Variants in LRRC57 observed in about 807,000 individuals in gnomAD.
LRRC57 encodes leucine-rich repeat-containing protein 57.
LRRC57 carries 14 observed loss-of-function variants against 23.1 expected under a neutral mutation model. The observed-to-expected ratio is 0.61, with a 90% CI of 0.40 to 0.95. The LOEUF (loss-of-function observed/expected upper bound fraction) is 0.95. Among genes scored for constraint, LRRC57 ranks in the 40% least tolerant of loss-of-function variants. LRRC57 has a pLI of 0.00. For missense variants in LRRC57, 236 were observed against 284.4 expected, an observed-to-expected ratio of 0.83 and a Z score of 1.22; for synonymous variants, 106 against 115.2, an observed-to-expected ratio of 0.92 and a Z score of 0.51.
At chr15:42,545,714 TAACTG>T (rs1236793001) in intron 4 of LRRC57, among the ~76,000 whole-genome samples, 2 of 152,212 alleles carry the variant, frequency 1.3e-5, no homozygotes, top group African/African-American at 4.8e-5. Context: ...CTACTGCATT[TAACTG>T]TACTATCTAT....
At chr15:42,536,604 C>T (rs1031118243), downstream of LRRC57, among the ~76,000 whole-genome samples, 1 of 152,142 alleles carries the variant, frequency 6.6e-6, no homozygotes, top group African/African-American at 2.4e-5. Context: ...GAAACTTTCC[C>T]ACAGCTTCTG....
the LRRC57 span, chr15:42,528,465 GGT>G: frequency 6.3e-7 from 1 of 1,583,496 alleles, no homozygotes. Context: ...CTTAATGAAT[GGT>G]TCACTTAGGA....
downstream of LRRC57, among the ~76,000 whole-genome samples, chr15:42,534,607 G>A (rs1273355650): frequency 6.6e-6 from 1 of 152,144 alleles, no homozygotes; most frequent in Non-Finnish European, 1.5e-5. Flanking sequence ...AATCACTATG[G>A]CAGCTATACC....
In LRRC57 at chr15:42,542,585, G is replaced by A. The variant is rs1358279383; in HGVS notation, c.*1498C>T. 2 of 152,446 alleles carry A rather than the reference G, an allele frequency of 1.3e-5. No homozygotes were observed. Among genetic ancestry groups the A allele is most frequent in the African/African-American group, 4.8e-5 (2 of 41,380 alleles). The allele number at this position is 152,446 out of a possible 1,614,324, so 9.4% of individuals were successfully genotyped here. A position where few individuals can be genotyped will look rare whatever the true frequency, so the allele number is the denominator to read the frequency against. On this transcript the variant is annotated 3_prime_UTR_variant, in exon 6 of 6. Coordinates refer to ENST00000397130, the MANE Select transcript of LRRC57 (RefSeq NM_153260.3). ...CAGAGAGTAAGCTTGATAAACATAG[G>A]TTGTTTTAAAATATTATAGTAATGG...
chr15:42,547,570 G>A (rs1359608156), intron 3 of LRRC57, 41 bp from the exon 4 acceptor site: 3 of 1,557,948 alleles, frequency 1.9e-6, no homozygotes, highest in Non-Finnish European at 2.6e-6. Flanking sequence ...ATGTGATAGA[G>A]CTGAAAACAA....
At chr15:42,545,347 C>G (rs1481434696) in intron 4 of LRRC57, 85 bp from the exon 5 acceptor site, 1 of 849,600 alleles carries the variant, frequency 1.2e-6, no homozygotes, top group South Asian at 3.1e-5. Flanking sequence ...AAACAAAAAT[C>G]TTTACTTGAC....
chr15:42,534,996 A>G (rs189504924), downstream of LRRC57, among the ~76,000 whole-genome samples: 1 of 152,328 alleles, frequency 6.6e-6, no homozygotes, highest in Non-Finnish European at 1.5e-5. Flanking sequence ...TTCAGCTTGA[A>G]GTCACCAGCT....
Position 42,541,026 on chromosome 15 carries a change from C to T in LRRC57, c.*3057G>A, listed in dbSNP as rs1427879475. 1 of 146,752 alleles carries T rather than the reference C, an allele frequency of 6.8e-6. No individual in the cohort carries two copies. Among genetic ancestry groups the T allele is most frequent in the East Asian group, 2.0e-4 (1 of 5,044 alleles). The allele number at this position is 146,752 out of a possible 1,614,324, so 9.1% of individuals were successfully genotyped here. A position where few individuals can be genotyped will look rare whatever the true frequency, so the allele number is the denominator to read the frequency against. On this transcript the variant is annotated 3_prime_UTR_variant, in exon 6 of 6. Coordinates refer to ENST00000397130, the MANE Select transcript of LRRC57 (RefSeq NM_153260.3). ...CAGCCTGGGTGAAAGAATGAGACTC[C>T]GTCTCAGAAAAAAAAAAAAAATGTA...
rs550388487 is a variant in LRRC57, at chr15:42,548,137, C to G, written c.192G>C (p.Leu64=). 1 of 1,614,198 alleles carries G rather than the reference C, an allele frequency of 6.2e-7. No individual in the cohort carries two copies. Among genetic ancestry groups the G allele is most frequent in the Admixed American group, 1.7e-5 (1 of 60,022 alleles). The change falls in exon 3 of 6, where the codon CTG becomes CTC. Residue 64 remains leucine (L), a synonymous_variant. Transcript: ENST00000397130. The part of the protein sequence containing the change: ...PPLLIGKFTL[L]KSLSLNNNKL... ...TGTTGTTGTTCAGGGAGAGGCTCTT[C>G]AGCAGAGTGAACTTTCCTATCAGCA...
chr15:42,544,836 C>T (rs1328333637), intron 5 of LRRC57, among the ~76,000 whole-genome samples: 2 of 103,674 alleles, frequency 1.9e-5, no homozygotes, highest in African/African-American at 5.5e-5. Flanking sequence ...CACACACACA[C>T]ACACACTATA....
chr15:42,545,121 G>C lies in LRRC57; in HGVS notation c.634C>G (p.Leu212Val), dbSNP rs1331908746. Residue 212 changes from leucine (L) to valine (V), a missense_variant, in exon 5 of 6, where the codon CTT (leucine) becomes GTT (valine). Transcript: ENST00000397130. ...TCTCGAAGTTTCTTTATTTCAAAAA[G>C]ATTGCCTTCCACAGCAAGCAGACAG... ...QICLLAVEGN[L>V]FEIKKLRELE... 5.6e-6 allele frequency: 9 copies of C among 1,607,012 alleles called. No individual in the cohort carries two copies. The highest frequency in any genetic ancestry group is 5.9e-6 in the Non-Finnish European group (7 of 1,177,278).
At chr15:42,530,331 C>A in the LRRC57 span, among the ~76,000 whole-genome samples, 56 of 152,250 alleles carry the variant, frequency 3.7e-4, no homozygotes, top group East Asian at 8.9e-3. Flanking sequence ...CAGAATAGTT[C>A]TTATGGAGTG....
chr15:42,545,416 C>T (rs73404797), intron 4 of LRRC57, 154 bp from the exon 5 acceptor site: 9,362 of 434,540 alleles, frequency 0.022, 679 homozygotes, highest in African/African-American at 0.16. Flanking sequence ...CTACTCACTC[C>T]AGAAGCCTCT....
chr15:42,535,506 T>C (rs1264614691), downstream of LRRC57, among the ~76,000 whole-genome samples: 3 of 150,974 alleles, frequency 2.0e-5, no homozygotes, highest in Admixed American at 6.6e-5. Flanking sequence ...AGTACAATGG[T>C]GCGATCTCAG....
rs2057630558 is a variant in LRRC57, at chr15:42,541,781, A to G, written c.*2302T>C. 1 of 144,002 alleles carries G rather than the reference A, an allele frequency of 6.9e-6. No individual in the cohort carries two copies. The highest frequency in any genetic ancestry group is 1.5e-5 in the Non-Finnish European group (1 of 66,590). The allele number at this position is 144,002 out of a possible 1,614,324, so 8.9% of individuals were successfully genotyped here. A position where few individuals can be genotyped will look rare whatever the true frequency, so the allele number is the denominator to read the frequency against. ...AGATTCTTTTTTTTTTTTTTTTGAG[A>G]TGGAGTCTGGCTCTGTCACCCAGGC... On this transcript the variant is annotated 3_prime_UTR_variant, in exon 6 of 6. Transcript: ENST00000397130.
At chr15:42,547,974 C>T in intron 3 of LRRC57, 132 bp downstream of exon 3, 2 of 820,324 alleles carry the variant, frequency 2.4e-6, no homozygotes, top group Non-Finnish European at 3.9e-6. Flanking sequence ...AAGAAGGCTT[C>T]AAGGATTCCG....
chr15:42,545,867 ACTT>A (rs2057656134), intron 4 of LRRC57, among the ~76,000 whole-genome samples: 1 of 152,056 alleles, frequency 6.6e-6, no homozygotes, highest in Non-Finnish European at 1.5e-5. Flanking sequence ...TTCTCTCTAA[ACTT>A]CTTCTAGAAA....
rs1164646488 is a variant in LRRC57 at position 42,539,477 on chromosome 15, C to CAAAAAAAAAAAAAAAAAAAAAA, written c.*4605_*4606insTTTTTTTTTTTTTTTTTTTTTT. The CAAAAAAAAAAAAAAAAAAAAAA allele has an allele frequency of 6.9e-5, 3 of 43,650 alleles. 1 individual carries two copies. The highest frequency in any genetic ancestry group is 4.1e-4 in the Admixed American group (1 of 2,414). 2.7% of individuals were successfully genotyped at this position (43,650 alleles called of 1,614,324 possible). On this transcript the variant is annotated 3_prime_UTR_variant, in exon 6 of 6. Transcript: ENST00000397130. ...TGGGCGAAACAGACAGCCTCTGTCT[C>CAAAAAAAAAAAAAAAAAAAAAA]AAAAAAAAAAAAAAAAAAAAAGAGA...
chr15:42,528,767 G>A, the LRRC57 span, among the ~76,000 whole-genome samples: 2 of 151,982 alleles, frequency 1.3e-5, no homozygotes, highest in Non-Finnish European at 2.9e-5. Context: ...TGTATTTTTA[G>A]TAGAGACAGG....
Sources: gnomAD v4.1 joint callset for allele counts (sites outside exome capture counted in the v4.1 genomes callset) on GRCh38, gnomAD v4.1.1 for gene constraint, MANE v1.5 for transcripts, NCBI Gene and HGNC (gene_info 2026-07-23, HGNC 2026-07-21) for gene names.